Variants in CNBD1 observed in about 807,000 individuals in gnomAD.
The protein encoded by CNBD1 is cyclic nucleotide-binding domain-containing protein 1.
CNBD1 carries 71 observed loss-of-function variants against 54.4 expected under a neutral mutation model. The ratio of observed to expected loss-of-function variants is 1.30; its 90% confidence interval spans 1.08 to 1.59. The LOEUF is 1.59. CNBD1 is among the 40% of genes most tolerant of loss of function. CNBD1 has a pLI of 0.00. For missense variants in CNBD1, 659 were observed against 518.0 expected (o/e 1.27, Z -2.64); for synonymous variants, 182 against 170.7 (o/e 1.07, Z -0.51).
chr8:87,055,883 T>TTCCTTCC (rs1810405306), intron 4 of CNBD1, among the ~76,000 whole-genome samples: 1 of 92,916 alleles, frequency 1.1e-5, no homozygotes, highest in African/African-American at 4.2e-5. Context: ...CTGCTTGACC[T>TTCCTTCC]TTCCTTCCTT....
At chr8:87,359,284 G>T in intron 10 of CNBD1, among the ~76,000 whole-genome samples, 1 of 146,516 alleles carries the variant, frequency 6.8e-6, no homozygotes, top group Non-Finnish European at 1.5e-5. Flanking sequence ...CTATTCCATA[G>T]TCTGAATTTC....
At chr8:86,918,507 G>T (rs983611591) in intron 3 of CNBD1, among the ~76,000 whole-genome samples, 4 of 152,036 alleles carry the variant, frequency 2.6e-5, no homozygotes, top group African/African-American at 4.8e-5. Flanking sequence ...AGGACCTGGT[G>T]GGAGATTATT....
At chr8:86,914,601 A>C (rs1434429413) in intron 3 of CNBD1, among the ~76,000 whole-genome samples, 1 of 152,202 alleles carries the variant, frequency 6.6e-6, no homozygotes, top group Non-Finnish European at 1.5e-5. Flanking sequence ...ATCAAAATGA[A>C]AGTTGGTTAA....
At chr8:86,881,639 G>A (rs570924021) in intron 1 of CNBD1, among the ~76,000 whole-genome samples, 87 of 152,094 alleles carry the variant, frequency 5.7e-4, no homozygotes, top group African/African-American at 1.7e-3. Flanking sequence ...ACTGCCATTC[G>A]CATTCTTCAC....
chr8:87,415,327 T>A (rs957192430), intron 2 of CNBD1, among the ~76,000 whole-genome samples: 6 of 152,060 alleles, frequency 3.9e-5, no homozygotes, highest in Non-Finnish European at 7.4e-5. Context: ...CCTAAGGTAC[T>A]GCTGCTGCTG....
At chr8:87,364,855 G>T (rs188776600) in intron 10 of CNBD1, among the ~76,000 whole-genome samples, 1 of 152,068 alleles carries the variant, frequency 6.6e-6, no homozygotes, top group Admixed American at 6.6e-5. Flanking sequence ...GTATTCCATG[G>T]TGTATGTGTA....
At chr8:87,081,728 G>A (rs755028410) in intron 4 of CNBD1, among the ~76,000 whole-genome samples, 6 of 151,790 alleles carry the variant, frequency 4.0e-5, no homozygotes, top group Non-Finnish European at 7.4e-5. Context: ...GGATGGTCTC[G>A]ATCTCTTGAC....
At chr8:87,302,594 C>T (rs957331909) in intron 8 of CNBD1, among the ~76,000 whole-genome samples, 1 of 151,890 alleles carries the variant, frequency 6.6e-6, no homozygotes, top group African/African-American at 2.4e-5. Context: ...GATGCCCTCT[C>T]TCACCACTCC....
At chr8:86,997,509 A>G (rs369475339) in intron 4 of CNBD1, among the ~76,000 whole-genome samples, 14 of 152,276 alleles carry the variant, frequency 9.2e-5, no homozygotes, top group African/African-American at 2.9e-4. Flanking sequence ...TTAATCGCCA[A>G]TGGTTCCTCA....
chr8:87,317,884 T>TGCATGC, intron 8 of CNBD1, among the ~76,000 whole-genome samples: 1 of 152,022 alleles, frequency 6.6e-6, no homozygotes, highest in African/African-American at 2.4e-5. Context: ...AATATGTATG[T>TGCATGC]GTATATACTT....
At chr8:87,281,711 A>C (rs1416576866) in intron 6 of CNBD1, among the ~76,000 whole-genome samples, 2 of 150,108 alleles carry the variant, frequency 1.3e-5, no homozygotes, top group East Asian at 3.9e-4. Context: ...AAGACACTGC[A>C]TACATTTTTT....
At chr8:87,190,424 T>A (rs2130784981) in intron 4 of CNBD1, among the ~76,000 whole-genome samples, 1 of 152,294 alleles carries the variant, frequency 6.6e-6, no homozygotes, top group South Asian at 2.1e-4. Flanking sequence ...AGCTGATTCC[T>A]CCATGCCATC....
chr8:86,897,313 A>T (rs1586119195), intron 2 of CNBD1, among the ~76,000 whole-genome samples: 1 of 152,244 alleles, frequency 6.6e-6, no homozygotes, highest in African/African-American at 2.4e-5. Context: ...TGTTTAATAC[A>T]GAAATCTAGT....
At chr8:86,914,133 A>G (rs1483066467) in intron 3 of CNBD1, among the ~76,000 whole-genome samples, 1 of 152,174 alleles carries the variant, frequency 6.6e-6, no homozygotes, top group Non-Finnish European at 1.5e-5. Flanking sequence ...CATGCTTTAC[A>G]ATTTGTTCAG....
At chr8:86,874,474 G>T (rs1043667851) in intron 1 of CNBD1, among the ~76,000 whole-genome samples, 1 of 151,888 alleles carries the variant, frequency 6.6e-6, no homozygotes, top group Non-Finnish European at 1.5e-5. Context: ...TAATGATTAA[G>T]GTATTACATA....
intron 5 of CNBD1, among the ~76,000 whole-genome samples, chr8:87,212,547 G>C (rs1814122550): frequency 6.6e-6 from 1 of 152,116 alleles, no homozygotes; most frequent in Non-Finnish European, 1.5e-5. Flanking sequence ...CAGAAATAAT[G>C]TTTTAACTTG....
intron 3 of CNBD1, among the ~76,000 whole-genome samples, chr8:86,905,728 C>A (rs1809007779): frequency 6.6e-6 from 1 of 152,122 alleles, no homozygotes; most frequent in South Asian, 2.1e-4. Flanking sequence ...TGTAACTGCC[C>A]TCTCAGTAAA....
At chr8:87,241,268 A>ATTTTTTTTTTTTTTTTTTTTTTTTT (rs34829455) in intron 6 of CNBD1, among the ~76,000 whole-genome samples, 3 of 93,864 alleles carry the variant, frequency 3.2e-5, no homozygotes, top group African/African-American at 9.8e-5. Flanking sequence ...TATTTGGAAG[A>ATTTTTTTTTTTTTTTTTTTTTTTTT]TTTTTTTTTT....
intron 6 of CNBD1, among the ~76,000 whole-genome samples, chr8:87,257,233 G>A (rs930782583): frequency 2.0e-5 from 3 of 151,852 alleles, no homozygotes; most frequent in Admixed American, 1.3e-4. Flanking sequence ...AGCCAGTGTG[G>A]TAGCAGGCAC....
Sources: allele counts gnomAD v4.1 joint callset (sites outside exome capture counted in the v4.1 genomes callset), GRCh38; gene constraint gnomAD v4.1.1; transcripts MANE v1.5; gene names NCBI Gene and HGNC (gene_info 2026-07-23, HGNC 2026-07-21).